Variants in ELMO1 observed in about 807,000 individuals in gnomAD.
ELMO1 encodes the protein engulfment and cell motility protein 1.
ELMO1 carries 26 observed loss-of-function variants against 98.9 expected under a neutral mutation model. The observed-to-expected ratio is 0.26, with a 90% CI of 0.19 to 0.36. The LOEUF (loss-of-function observed/expected upper bound fraction) is 0.36. ELMO1 is among the 10% of genes least tolerant of loss of function. ELMO1 has a pLI of 1.00. For synonymous variants in ELMO1, 346 were observed against 346.0 expected, an observed-to-expected ratio of 1.00 and a Z score of 0.00; for missense variants, 627 against 935.2, an observed-to-expected ratio of 0.67 and a Z score of 4.30.
chr7:36,855,257 G>A lies in ELMO1; in HGVS notation c.*294C>T. The A allele has an allele frequency of 2.3e-6, 1 of 436,056 alleles. No homozygotes were observed. The highest frequency in any genetic ancestry group is 3.6e-5 in the Admixed American group (1 of 27,632). 27.0% of individuals were successfully genotyped at this position (436,056 alleles called of 1,614,324 possible). A position where few individuals can be genotyped will look rare whatever the true frequency, so the allele number is the denominator to read the frequency against. On this transcript the variant is annotated 3_prime_UTR_variant, in exon 22 of 22. Transcript: ENST00000310758. The surrounding 1 kb of genome is among the most constrained non-coding windows in gnomAD (Gnocchi z 4.2). ...GGGCATGCCTGCAGAGGGCTAGGAT[G>A]GAAGGGCCCTTTGGCCTTCTTACTG... is the stretch of plus-strand genomic sequence containing the variant.
At chr7:37,021,107 G>A (rs922935932) in intron 15 of ELMO1, among the ~76,000 whole-genome samples, 2 of 152,090 alleles carry the variant, frequency 1.3e-5, no homozygotes, top group African/African-American at 2.4e-5. Context: ...TTTGATTTTG[G>A]AAGGTGGTAC....
chr7:37,266,832 G>A (rs915952092), intron 5 of ELMO1, among the ~76,000 whole-genome samples: 6 of 151,866 alleles, frequency 4.0e-5, no homozygotes, highest in Non-Finnish European at 8.8e-5. Flanking sequence ...TGCCAACATG[G>A]GGAAACCCCA....
chr7:37,155,503 A>AAAAAAAAAAAAAATAAAAAAAAAAAAT (rs61189239), intron 13 of ELMO1, among the ~76,000 whole-genome samples: 1 of 131,736 alleles, frequency 7.6e-6, no homozygotes, highest in African/African-American at 2.7e-5. Context: ...AAAAAAAAAA[A>AAAAAAAAAAAAAATAAAAAAAAAAAAT]AAAAAGCAGG....
At chr7:37,219,428 G>C (rs1793475046) in intron 10 of ELMO1, among the ~76,000 whole-genome samples, 1 of 152,178 alleles carries the variant, frequency 6.6e-6, no homozygotes, top group Non-Finnish European at 1.5e-5. Context: ...AAAAGTATTT[G>C]ACTGAAGTGG....
intron 16 of ELMO1, among the ~76,000 whole-genome samples, chr7:36,968,866 TA>T (rs199920008): frequency 6.3e-4 from 96 of 152,080 alleles, no homozygotes; most frequent in East Asian, 3.1e-3. Context: ...TATAAATAAT[TA>T]AAAAAAATAA....
intron 13 of ELMO1, among the ~76,000 whole-genome samples, chr7:37,193,977 G>C (rs1228806275): frequency 6.6e-6 from 1 of 152,096 alleles, no homozygotes; most frequent in Non-Finnish European, 1.5e-5. Context: ...CATCTCACTG[G>C]CACTTCTCAT....
At chr7:37,429,961 T>C (rs1258931792) in intron 1 of ELMO1, among the ~76,000 whole-genome samples, 1 of 152,238 alleles carries the variant, frequency 6.6e-6, no homozygotes, top group Non-Finnish European at 1.5e-5. Flanking sequence ...TTCTAGTTTT[T>C]GCAAGCTGCT....
chr7:37,368,153 A>G (rs1004623974), intron 1 of ELMO1, among the ~76,000 whole-genome samples: 1 of 152,192 alleles, frequency 6.6e-6, no homozygotes, highest in Non-Finnish European at 1.5e-5. Flanking sequence ...GCCTCTATTC[A>G]ATATTGTACT....
In ELMO1 at chr7:37,448,745, G is replaced by A. The variant is rs983025015; in HGVS notation, c.-144C>T. ...AGAGCTCCGGCGACCCGCCACCATT[G>A]AAGGGGAACTGGAGGCTCTGTCGCC... On this transcript the variant is annotated 5_prime_UTR_variant, in exon 1 of 22. Coordinates refer to ENST00000310758, the MANE Select transcript of ELMO1 (RefSeq NM_014800.11). 2.6e-5 allele frequency: 4 copies of A among 152,702 alleles called. No homozygotes were observed. Among genetic ancestry groups the A allele is most frequent in the Non-Finnish European group, 4.4e-5 (3 of 68,472 alleles). The allele number at this position is 152,702 out of a possible 1,614,324, so 9.5% of individuals were successfully genotyped here.
intron 1 of ELMO1, among the ~76,000 whole-genome samples, chr7:37,385,829 G>A (rs529245535): frequency 2.0e-5 from 3 of 152,318 alleles, no homozygotes; most frequent in Non-Finnish European, 4.4e-5. Flanking sequence ...AGGCAGAACC[G>A]CCCCTAGAGC....
chr7:37,060,424 G>C (rs2129212772), intron 15 of ELMO1, among the ~76,000 whole-genome samples: 1 of 152,248 alleles, frequency 6.6e-6, no homozygotes, highest in South Asian at 2.1e-4. Context: ...ACTAAATACT[G>C]CATATTCTCA....
intron 2 of ELMO1, among the ~76,000 whole-genome samples, chr7:37,318,160 T>C (rs1165617025): frequency 1.3e-5 from 2 of 152,232 alleles, no homozygotes; most frequent in African/African-American, 4.8e-5. Context: ...CCACTGTTTA[T>C]GGCTCTTGCT....
chr7:37,234,806 T>C (rs1329750963), intron 7 of ELMO1, among the ~76,000 whole-genome samples: 1 of 152,196 alleles, frequency 6.6e-6, no homozygotes, highest in East Asian at 1.9e-4. Flanking sequence ...AGCGTGTGAG[T>C]GTTACTACAT....
chr7:37,059,799 A>G (rs1030642750), intron 15 of ELMO1, among the ~76,000 whole-genome samples: 2 of 152,208 alleles, frequency 1.3e-5, no homozygotes, highest in East Asian at 3.9e-4. Context: ...TCATTTTCTC[A>G]TTAGATCCCA....
chr7:37,017,634 C>T (rs1223187004), intron 15 of ELMO1, among the ~76,000 whole-genome samples: 1 of 152,130 alleles, frequency 6.6e-6, no homozygotes, highest in African/African-American at 2.4e-5. Context: ...GACTGGAGCT[C>T]CTGCAGCCAT....
intron 4 of ELMO1, among the ~76,000 whole-genome samples, chr7:37,314,469 T>C (rs1481676843): frequency 6.6e-6 from 1 of 152,074 alleles, no homozygotes; most frequent in Non-Finnish European, 1.5e-5. Flanking sequence ...TTTGAAAAGG[T>C]TTCTTGTCAT....
chr7:36,992,381 C>T (rs1791935442), intron 16 of ELMO1, among the ~76,000 whole-genome samples: 2 of 152,208 alleles, frequency 1.3e-5, no homozygotes, highest in Non-Finnish European at 2.9e-5. Flanking sequence ...CATCTCTGAT[C>T]ATGCTGAAAG....
chr7:37,333,675 C>A (rs1443505349), intron 2 of ELMO1, among the ~76,000 whole-genome samples: 1 of 152,300 alleles, frequency 6.6e-6, no homozygotes, highest in East Asian at 1.9e-4. Flanking sequence ...GTAAGTACCC[C>A]AGTCACTTCA....
intron 16 of ELMO1, among the ~76,000 whole-genome samples, chr7:36,949,822 A>C (rs1182770623): frequency 6.6e-6 from 1 of 152,006 alleles, no homozygotes; most frequent in Non-Finnish European, 1.5e-5. Flanking sequence ...CAGATGTGAC[A>C]AACAAAACTA....
Sources: gnomAD v4.1 joint callset for allele counts (sites outside exome capture counted in the v4.1 genomes callset) on GRCh38, gnomAD v4.1.1 for gene constraint, Gnocchi (gnomAD v3.1) non-coding constraint, MANE v1.5 for transcripts, NCBI Gene and HGNC (gene_info 2026-07-23, HGNC 2026-07-21) for gene names.